LRRC20: variants seen among roughly 807,000 people sequenced by gnomAD.
LRRC20 encodes leucine rich repeat containing 20, also known as leucine-rich repeat-containing protein 20.
Under a neutral mutation model 14.4 loss-of-function variants are expected in LRRC20, and 11 were observed. The ratio of observed to expected loss-of-function variants is 0.77; its 90% confidence interval spans 0.48 to 1.27. The LOEUF (loss-of-function observed/expected upper bound fraction) is 1.27. Ranked by LOEUF, LRRC20 falls within the 50% of genes most tolerant of loss-of-function variation. LRRC20 has a pLI of 0.00. For synonymous variants in LRRC20, 121 were observed against 107.3 expected, an observed-to-expected ratio of 1.13 and a Z score of -0.79; for missense variants, 219 against 251.2, an observed-to-expected ratio of 0.87 and a Z score of 0.87.
At chr10:70,315,549 A>G (rs931069714) in intron 4 of LRRC20, among the ~76,000 whole-genome samples, 1 of 151,966 alleles carries the variant, frequency 6.6e-6, no homozygotes, top group African/African-American at 2.4e-5. Context: ...TTGATTCACA[A>G]CCCCGTTATT....
At chr10:70,345,019 T>C (rs1009727946) in intron 2 of LRRC20, among the ~76,000 whole-genome samples, 2 of 152,224 alleles carry the variant, frequency 1.3e-5, no homozygotes, top group Non-Finnish European at 2.9e-5. Context: ...GTTTTTTATT[T>C]ATTTTTAAGT....
intron 2 of LRRC20, among the ~76,000 whole-genome samples, chr10:70,373,801 G>A (rs1844398709): frequency 6.6e-6 from 1 of 152,170 alleles, no homozygotes; most frequent in Non-Finnish European, 1.5e-5. Context: ...CCAGGCTCTG[G>A]TGTCAGAAAT....
At chr10:70,321,706 G>A (rs946188501) in intron 4 of LRRC20, among the ~76,000 whole-genome samples, 1 of 152,178 alleles carries the variant, frequency 6.6e-6, no homozygotes, top group Non-Finnish European at 1.5e-5. Context: ...GGCAGCAGGG[G>A]CTCTGTCCCA....
chr10:70,324,058 C>T, intron 3 of LRRC20, 28 bp from the exon 4 acceptor site: 1 of 1,611,134 alleles, frequency 6.2e-7, no homozygotes, highest in Non-Finnish European at 8.5e-7. Flanking sequence ...GGAGAGAGAA[C>T]AGGATGAGGA....
intron 2 of LRRC20, among the ~76,000 whole-genome samples, chr10:70,358,932 T>C (rs1324408907): frequency 1.3e-5 from 2 of 152,148 alleles, no homozygotes; most frequent in African/African-American, 4.8e-5. Context: ...GTTACACCCC[T>C]CACCATCGGG....
At chr10:70,370,577 A>C (rs1024353393) in intron 2 of LRRC20, among the ~76,000 whole-genome samples, 4 of 152,040 alleles carry the variant, frequency 2.6e-5, no homozygotes, top group African/African-American at 9.7e-5. Flanking sequence ...CTATACTAAA[A>C]GTACAAAAAT....
Position 70,303,216 on chromosome 10 carries a change from G to A in LRRC20, c.401-1708C>T, listed in dbSNP as rs138089869. Among the ~76,000 whole-genome samples, 9 of 152,254 alleles carry A rather than the reference G, an allele frequency of 5.9e-5. 1 individual carries two copies. The highest frequency in any genetic ancestry group is 2.1e-4 in the South Asian group (1 of 4,824). On this transcript the variant is annotated intron_variant, in intron 4 of 4. Coordinates refer to ENST00000446961, the MANE Select transcript of LRRC20 (RefSeq NM_001278212.2). ...TATTTTTGCCAAGAGAGAGGAAGTC[G>A]CATACAGTGGCCTATGGAAATTCTT...
chr10:70,325,642 G>A (rs1052125125), intron 3 of LRRC20, among the ~76,000 whole-genome samples: 3 of 152,210 alleles, frequency 2.0e-5, no homozygotes, highest in Admixed American at 2.0e-4. Flanking sequence ...CTTAGGCAGG[G>A]AAGACCTGGC....
At chr10:70,329,432 T>C (rs981420400) in intron 3 of LRRC20, among the ~76,000 whole-genome samples, 19 of 152,212 alleles carry the variant, frequency 1.2e-4, no homozygotes, top group African/African-American at 4.6e-4. Context: ...TGATGTTAGC[T>C]GTAGGATTTT....
intron 4 of LRRC20, among the ~76,000 whole-genome samples, chr10:70,302,298 G>A (rs1339678193): frequency 6.6e-6 from 1 of 151,792 alleles, no homozygotes; most frequent in East Asian, 1.9e-4. Flanking sequence ...GGGCGACAAA[G>A]CAAAGCTCTG....
intron 3 of LRRC20, among the ~76,000 whole-genome samples, chr10:70,339,272 T>A (rs1288332961): frequency 6.6e-6 from 1 of 152,238 alleles, no homozygotes; most frequent in Non-Finnish European, 1.5e-5. Flanking sequence ...GGCACTGCTA[T>A]GAATGCTGGT....
intron 4 of LRRC20, among the ~76,000 whole-genome samples, chr10:70,317,585 C>T (rs1841910599): frequency 1.3e-5 from 2 of 152,096 alleles, no homozygotes; most frequent in Admixed American, 6.5e-5. Context: ...CACTATGTTG[C>T]TCAGGCTGGT....
Position 70,300,299 on chromosome 10 carries a change from A to G in LRRC20, c.*1055T>C. On this transcript the variant is annotated 3_prime_UTR_variant, in exon 5 of 5. Transcript: ENST00000446961. Reference sequence around the variant, plus strand: ...GGGTACTGTCCCAGTTTTAGCATTGAAAGTTCCATGTCCTGGGAAACCAGG... The same window carrying G: ...GGGTACTGTCCCAGTTTTAGCATTGGAAGTTCCATGTCCTGGGAAACCAGG... The G allele has an allele frequency of 1.1e-6, 1 of 938,100 alleles. No individual in the cohort carries two copies. 58.1% of individuals were successfully genotyped at this position (938,100 alleles called of 1,614,324 possible). A position where few individuals can be genotyped will look rare whatever the true frequency, so the allele number is the denominator to read the frequency against.
At chr10:70,310,839 C>T (rs4746998) in intron 4 of LRRC20, among the ~76,000 whole-genome samples, 91,266 of 152,088 alleles carry the variant, frequency 0.6, 27,536 homozygotes, top group Middle Eastern at 0.7. Flanking sequence ...CCTCTGTGGA[C>T]CAACGCTATG....
intron 2 of LRRC20, among the ~76,000 whole-genome samples, chr10:70,367,405 A>G (rs1468455481): frequency 6.6e-6 from 1 of 152,194 alleles, no homozygotes; most frequent in Non-Finnish European, 1.5e-5. Flanking sequence ...CTGTATGCAA[A>G]TGTTTACAGG....
chr10:70,322,905 G>C (rs80239556), intron 4 of LRRC20, among the ~76,000 whole-genome samples: 1 of 151,644 alleles, frequency 6.6e-6, no homozygotes, highest in Non-Finnish European at 1.5e-5. Context: ...ATGGGCACTC[G>C]CACCACAGGA....
At chr10:70,351,532 C>G (rs1393294667) in intron 2 of LRRC20, among the ~76,000 whole-genome samples, 1 of 152,186 alleles carries the variant, frequency 6.6e-6, no homozygotes, top group Non-Finnish European at 1.5e-5. Context: ...CTGCTGCCCT[C>G]TCTTCTGCAT....
intron 4 of LRRC20, among the ~76,000 whole-genome samples, chr10:70,303,139 G>T (rs1011696145): frequency 6.6e-5 from 10 of 152,164 alleles, no homozygotes; most frequent in Non-Finnish European, 1.5e-4. Context: ...GAATTGTATA[G>T]TATGTGTCAA....
intron 4 of LRRC20, among the ~76,000 whole-genome samples, chr10:70,314,984 C>A (rs750620006): frequency 6.6e-6 from 1 of 152,134 alleles, no homozygotes; most frequent in Non-Finnish European, 1.5e-5. Flanking sequence ...AGCTAGGACT[C>A]TGCAGCAAGA....
Sources: gnomAD v4.1 joint callset for allele counts (sites outside exome capture counted in the v4.1 genomes callset) on GRCh38, gnomAD v4.1.1 for gene constraint, MANE v1.5 for transcripts, NCBI Gene and HGNC (gene_info 2026-07-23, HGNC 2026-07-21) for gene names.